TENM3: variants seen among roughly 807,000 people sequenced by gnomAD.
TENM3 encodes the protein teneurin-3.
TENM3 carries 63 observed loss-of-function variants against 255.1 expected under a neutral mutation model. That is an observed-to-expected ratio of 0.25 (90% CI 0.20 to 0.30). The LOEUF (loss-of-function observed/expected upper bound fraction) is 0.30, where lower values mean the gene tolerates loss of function less well. TENM3 is among the 10% of genes least tolerant of loss of function. The pLI, the probability that TENM3 is intolerant of heterozygous loss-of-function variation, is 1.00. For missense variants in TENM3, 2,929 were observed against 3,461.1 expected, an observed-to-expected ratio of 0.85 and a Z score of 3.86; for synonymous variants, 1,306 against 1,322.3, an observed-to-expected ratio of 0.99 and a Z score of 0.27.
At chr4:181,746,971 G>A in the TENM3 span, among the ~76,000 whole-genome samples, 4 of 151,926 alleles carry the variant, frequency 2.6e-5, no homozygotes, top group Admixed American at 1.3e-4. Flanking sequence ...AAACAGTGTG[G>A]TTATATATCT....
At chr4:181,553,820 G>C in the TENM3 span, among the ~76,000 whole-genome samples, 83 of 152,094 alleles carry the variant, frequency 5.5e-4, no homozygotes, top group African/African-American at 1.9e-3. Flanking sequence ...ACTAGATGAA[G>C]CTGGGGACAA....
the TENM3 span, among the ~76,000 whole-genome samples, chr4:181,448,215 G>A: frequency 1.5e-5 from 2 of 132,854 alleles, no homozygotes; most frequent in Non-Finnish European, 1.5e-5. Flanking sequence ...CGCCCAGGCT[G>A]GAGTGCAGTG....
intron 5 of TENM3, among the ~76,000 whole-genome samples, chr4:182,646,429 G>C (rs549906466): frequency 2.1e-4 from 32 of 152,226 alleles, no homozygotes; most frequent in Non-Finnish European, 4.4e-4. Flanking sequence ...ATTGGCACGA[G>C]GCTACTGGAT....
At chr4:181,742,634 G>A in the TENM3 span, among the ~76,000 whole-genome samples, 2 of 151,792 alleles carry the variant, frequency 1.3e-5, no homozygotes, top group African/African-American at 4.8e-5. Context: ...AAATAAGGAA[G>A]GATGATTGGA....
At chr4:182,777,509 T>TTGTGTGTGTGTGTGTG (rs1172500944) in intron 24 of TENM3, among the ~76,000 whole-genome samples, 7 of 120,144 alleles carry the variant, frequency 5.8e-5, no homozygotes, top group African/African-American at 2.2e-4. Context: ...CATAATGTGT[T>TTGTGTGTGTGTGTGTG]TATGTGTGTG....
intron 19 of TENM3, chr4:182,744,312 T>A (rs1422850978): frequency 2.9e-6 from 1 of 339,206 alleles, no homozygotes; most frequent in African/African-American, 2.3e-5. Flanking sequence ...AAGTGCTTAA[T>A]TGAACAATTA....
At chr4:182,665,163 T>C (rs1754560043) in intron 6 of TENM3, among the ~76,000 whole-genome samples, 1 of 152,206 alleles carries the variant, frequency 6.6e-6, no homozygotes, top group Admixed American at 6.5e-5. Context: ...AGCTGGTGAC[T>C]TGAAGTTAAA....
At chr4:181,841,693 A>G in the TENM3 span, among the ~76,000 whole-genome samples, 1 of 152,288 alleles carries the variant, frequency 6.6e-6, no homozygotes, top group South Asian at 2.1e-4. Context: ...AAACAACAAT[A>G]TACTCCTGAC....
upstream of TENM3, among the ~76,000 whole-genome samples, chr4:182,140,553 G>T (rs1749323502): frequency 6.6e-6 from 1 of 152,168 alleles, no homozygotes; most frequent in South Asian, 2.1e-4. Context: ...ATGTAATAAA[G>T]TCCAAACAAT....
rs1008666655 is a variant in TENM3, at chr4:182,347,904, A to G, written c.511+975A>G. ...TGAAAGAATTGCATGACATTTGAAA[A>G]GAAAAATGGTTGTTTTATCAATGAT... is the stretch of plus-strand genomic sequence containing the variant. On this transcript the variant is annotated intron_variant, in intron 3 of 27. Transcript: ENST00000511685. Among the ~76,000 whole-genome samples, 15 of 152,334 alleles carry G rather than the reference A, an allele frequency of 9.8e-5. No homozygotes were observed. The South Asian group carries it at 1.0e-3, about 11-fold the overall frequency.
the TENM3 span, among the ~76,000 whole-genome samples, chr4:181,875,095 A>G: frequency 6.6e-6 from 1 of 152,198 alleles, no homozygotes; most frequent in Non-Finnish European, 1.5e-5. Context: ...AATTGCAGCA[A>G]GTCTCTGTTC....
the TENM3 span, among the ~76,000 whole-genome samples, chr4:182,100,660 C>CAT: frequency 0.037 from 3,390 of 91,962 alleles, 102 homozygotes; most frequent in Non-Finnish European, 0.042. Flanking sequence ...CATATATACA[C>CAT]ATATATACAC....
rs1765652738 is a variant in TENM3, at chr4:182,357,653, C to G, written c.511+10724C>G. ...GATGAGTAGGTTGCGAAACTTTTCTCCCATTTTGTGGGTTGCCTGTTCACT... is the reference window on the plus strand; with the variant it reads ...GATGAGTAGGTTGCGAAACTTTTCTGCCATTTTGTGGGTTGCCTGTTCACT... On this transcript the variant is annotated intron_variant, in intron 3 of 27. Transcript: ENST00000511685. Among the ~76,000 whole-genome samples the G allele has an allele frequency of 2.0e-5, 3 of 150,750 alleles. No homozygotes were observed. The South Asian group carries it at 6.3e-4, about 32-fold the overall frequency.
intron 3 of TENM3, among the ~76,000 whole-genome samples, chr4:182,354,510 C>T (rs998817110): frequency 2.0e-5 from 3 of 152,088 alleles, no homozygotes; most frequent in Non-Finnish European, 2.9e-5. Context: ...ACTCAAGTGT[C>T]GGAAAAGCAG....
At chr4:182,247,898 C>G (rs931785214) in intron 1 of TENM3, among the ~76,000 whole-genome samples, 11 of 152,172 alleles carry the variant, frequency 7.2e-5, no homozygotes, top group African/African-American at 2.7e-4. Flanking sequence ...TCACCCTTTC[C>G]CTGCAAAGCT....
At chr4:182,335,588 T>C (rs1167518438) in intron 2 of TENM3, among the ~76,000 whole-genome samples, 3 of 145,190 alleles carry the variant, frequency 2.1e-5, no homozygotes, top group Non-Finnish European at 4.5e-5. Context: ...GTGGTTTGAA[T>C]CCACACAGCC....
chr4:181,529,755 C>T, the TENM3 span, among the ~76,000 whole-genome samples: 1,496 of 152,246 alleles, frequency 9.8e-3, 24 homozygotes, highest in African/African-American at 0.034. Flanking sequence ...CAAACATTCG[C>T]GAGATGGCTA....
At chr4:182,756,272 C>G (rs1263788558) in intron 22 of TENM3, among the ~76,000 whole-genome samples, 2 of 152,150 alleles carry the variant, frequency 1.3e-5, no homozygotes, top group East Asian at 3.9e-4. Context: ...AGTTTGTTGC[C>G]TGAAAGCATG....
the TENM3 span, among the ~76,000 whole-genome samples, chr4:181,533,734 A>G: frequency 0.044 from 6,708 of 151,060 alleles, 228 homozygotes; most frequent in South Asian, 0.16. Flanking sequence ...CTGCCTTTAA[A>G]TTAAAAAAAA....
Sources: allele counts gnomAD v4.1 joint callset (sites outside exome capture counted in the v4.1 genomes callset), GRCh38; gene constraint gnomAD v4.1.1; transcripts MANE v1.5; gene names NCBI Gene and HGNC (gene_info 2026-07-23, HGNC 2026-07-21).